The following BRAF variants were observed in gnomAD, a reference collection of about 807,000 sequenced individuals.
The protein encoded by BRAF is B-Raf proto-oncogene, serine/threonine kinase, also known as serine/threonine-protein kinase B-raf.
BRAF carries 16 observed loss-of-function variants against 104.6 expected under a neutral mutation model. That is an observed-to-expected ratio of 0.15 (90% CI 0.10 to 0.23). BRAF has a LOEUF of 0.23. Among genes scored for constraint, BRAF ranks in the 10% least tolerant of loss-of-function variants. BRAF has a pLI of 1.00. For synonymous variants in BRAF, 310 were observed against 341.6 expected (o/e 0.91, Z 1.02); for missense variants, 541 against 937.3 (o/e 0.58, Z 5.52).
At chr7:140,923,436 GAC>G (rs1398715273) in intron 1 of BRAF, among the ~76,000 whole-genome samples, 1 of 152,058 alleles carries the variant, frequency 6.6e-6, no homozygotes, top group South Asian at 2.1e-4. Flanking sequence ...TAAATAATTT[GAC>G]ACAGTGCTAA....
At chr7:140,851,351 AAC>A (rs978758054) in intron 1 of BRAF, among the ~76,000 whole-genome samples, 3 of 152,224 alleles carry the variant, frequency 2.0e-5, no homozygotes, top group African/African-American at 7.2e-5. Flanking sequence ...ACATAAATAT[AAC>A]ACACAGTAGA....
chr7:140,809,056 A>T, intron 3 of BRAF, 61 bp from the exon 4 acceptor site: 2 of 1,371,014 alleles, frequency 1.5e-6, no homozygotes, highest in South Asian at 2.3e-5. Flanking sequence ...TTTTCATATC[A>T]TTAAAAAAAT....
chr7:140,821,902 T>C (rs2129054939), intron 3 of BRAF, among the ~76,000 whole-genome samples: 1 of 152,302 alleles, frequency 6.6e-6, no homozygotes, highest in East Asian at 1.9e-4. Flanking sequence ...GCCATTATCC[T>C]AAGCAAATTA....
intron 13 of BRAF, 98 bp from the exon 13 acceptor site, chr7:140,777,186 G>A: frequency 3.2e-5 from 41 of 1,265,442 alleles, no homozygotes; most frequent in Admixed American, 1.9e-4. Flanking sequence ...AATGTTGTCA[G>A]AAAAAGCTTT....
Position 140,725,304 on chromosome 7 carries a change from T to C in BRAF, c.*1190A>G, listed in dbSNP as rs537627687. The C allele has an allele frequency of 3.8e-5, 39 of 1,030,122 alleles. 1 individual carries two copies. The East Asian group carries it at 1.7e-3, about 44-fold the overall frequency. The allele number at this position is 1,030,122 out of a possible 1,614,324, so 63.8% of individuals were successfully genotyped here. ...GTACCATTAATTGAAAAATTATAAATATTTGTCATTATGCTAAGACTCCTC... is the reference window on the plus strand; with the variant it reads ...GTACCATTAATTGAAAAATTATAAACATTTGTCATTATGCTAAGACTCCTC... On this transcript the variant is annotated 3_prime_UTR_variant, in exon 20 of 20. Coordinates refer to ENST00000644969, the MANE Select transcript of BRAF (RefSeq NM_001374258.1).
intron 14 of BRAF, among the ~76,000 whole-genome samples, chr7:140,775,177 G>C (rs577392593): frequency 1.7e-4 from 26 of 152,174 alleles, no homozygotes; most frequent in African/African-American, 6.3e-4. Flanking sequence ...GATATTTGTG[G>C]CATGTGTATC....
intron 1 of BRAF, among the ~76,000 whole-genome samples, chr7:140,858,419 T>C (rs1179116546): frequency 6.6e-6 from 1 of 152,224 alleles, no homozygotes; most frequent in Non-Finnish European, 1.5e-5. Context: ...TCTAAGACAT[T>C]TTTCTTCTCT....
intron 9 of BRAF, 76 bp downstream of exon 9, chr7:140,787,472 C>G (rs2129031440): frequency 6.9e-7 from 1 of 1,446,590 alleles, no homozygotes; most frequent in Non-Finnish European, 9.7e-7. Flanking sequence ...TTGAAAGAGG[C>G]AAGTATAAAG....
chr7:140,785,591 A>G (rs13227176), intron 10 of BRAF: 12 of 396,070 alleles, frequency 3.0e-5, no homozygotes, highest in Non-Finnish European at 4.9e-5. Flanking sequence ...AAACTTTCAC[A>G]CTTACAAACA....
In BRAF at chr7:140,911,167, G is replaced by A. The variant is rs538110732; in HGVS notation, c.138+13399C>T. 1.8e-4 allele frequency among the ~76,000 whole-genome samples: 28 copies of A among 152,274 alleles called. No individual in the cohort carries two copies. In the South Asian group the frequency reaches 4.8e-3, roughly 26 times the overall value. ...TTAGACAGTATTATTGTTAAGCAAC[G>A]AGAGAATAAGTATGAATCCCACACA... On this transcript the variant is annotated intron_variant, in intron 1 of 19. Transcript: ENST00000644969.
chr7:140,722,728 C>G lies in BRAF; in HGVS notation c.*3766G>C. 9.5e-7 allele frequency: 1 copy of G among 1,050,612 alleles called. No individual in the cohort carries two copies. Among genetic ancestry groups the G allele is most frequent in the South Asian group, 4.6e-5 (1 of 21,840 alleles). The allele number at this position is 1,050,612 out of a possible 1,614,324, so 65.1% of individuals were successfully genotyped here. A position where few individuals can be genotyped will look rare whatever the true frequency, so the allele number is the denominator to read the frequency against. On this transcript the variant is annotated 3_prime_UTR_variant, in exon 20 of 20. Transcript: ENST00000644969. ...GTGCATGTGACAAAGCTGCAGCAAA[C>G]TCATTATGAGGATGTACTGTCATGC...
chr7:140,873,143 A>G (rs1811803660), intron 1 of BRAF, among the ~76,000 whole-genome samples: 1 of 145,080 alleles, frequency 6.9e-6, no homozygotes. Context: ...GCTGAACCTG[A>G]GTAAGAACAT....
rs115360116 is a variant in BRAF, at chr7:140,827,427, A to G, written c.504+7182T>C. 9.9e-3 allele frequency among the ~76,000 whole-genome samples: 1,501 copies of G among 152,340 alleles called. 24 individuals are homozygous for G. The highest frequency in any genetic ancestry group is 0.034 in the African/African-American group (1,414 of 41,564). The stretch of plus-strand genomic sequence containing the variant: ...TTGAGGGTTCCTGGACAATGCAGGC[A>G]GTATAAATTTGAATCCCACACAATG... On this transcript the variant is annotated intron_variant, in intron 3 of 19. Transcript: ENST00000644969.
intron 8 of BRAF, among the ~76,000 whole-genome samples, chr7:140,789,492 C>T (rs1424448051): frequency 6.6e-6 from 1 of 152,044 alleles, no homozygotes; most frequent in Admixed American, 6.5e-5. Context: ...TCAACATTTT[C>T]TACAGAAAAA....
chr7:140,756,340 A>C (rs770373865), intron 14 of BRAF, among the ~76,000 whole-genome samples: 2 of 152,192 alleles, frequency 1.3e-5, no homozygotes, highest in Non-Finnish European at 2.9e-5. Flanking sequence ...CAAAAGCAGC[A>C]AAGAGTAGAA....
chr7:140,842,420 T>C (rs990835651), intron 2 of BRAF, among the ~76,000 whole-genome samples: 2 of 152,224 alleles, frequency 1.3e-5, no homozygotes, highest in Non-Finnish European at 2.9e-5. Context: ...TCAGGAGCTG[T>C]TACTGTCTTC....
intron 1 of BRAF, among the ~76,000 whole-genome samples, chr7:140,852,060 T>G (rs1258226772): frequency 6.6e-6 from 1 of 152,158 alleles, no homozygotes; most frequent in African/African-American, 2.4e-5. Flanking sequence ...CAGCATCTTC[T>G]GAAAGACTGT....
Position 140,800,501 on chromosome 7 carries a change from A to G in BRAF, c.861-20T>C. ...AGCAAACTGTGAGGCAAAACAAAAC[A>G]AACCTAACTTGTGCAAAACCCAGAA... On this transcript the variant is annotated intron_variant, in intron 6 of 19. Coordinates refer to ENST00000644969, the MANE Select transcript of BRAF (RefSeq NM_001374258.1). 6.2e-7 allele frequency: 1 copy of G among 1,614,144 alleles called. No individual in the cohort carries two copies. The highest frequency in any genetic ancestry group is 8.5e-7 in the Non-Finnish European group (1 of 1,179,980).
intron 1 of BRAF, among the ~76,000 whole-genome samples, chr7:140,906,999 A>T (rs1816397571): frequency 6.6e-6 from 1 of 152,188 alleles, no homozygotes; most frequent in African/African-American, 2.4e-5. Flanking sequence ...CTTTTGAAAT[A>T]TTACTTCTGT....
Sources: allele counts gnomAD v4.1 joint callset (sites outside exome capture counted in the v4.1 genomes callset), GRCh38; gene constraint gnomAD v4.1.1; transcripts MANE v1.5; gene names NCBI Gene and HGNC (gene_info 2026-07-23, HGNC 2026-07-21).